GNAQ: variants seen among roughly 807,000 people sequenced by gnomAD.
GNAQ encodes the protein guanine nucleotide-binding protein G(q) subunit alpha.
Under a neutral mutation model 43.9 loss-of-function variants are expected in GNAQ, and 8 were observed. The ratio of observed to expected loss-of-function variants is 0.18; its 90% CI spans 0.11 to 0.33. The LOEUF is 0.33. Among genes scored for constraint, GNAQ ranks in the 10% least tolerant of loss-of-function variants. The pLI, the probability that GNAQ is intolerant of heterozygous loss-of-function variation, is 1.00. For missense variants in GNAQ, 158 were observed against 450.8 expected, an observed-to-expected ratio of 0.35 and a Z score of 5.88; for synonymous variants, 155 against 170.7, an observed-to-expected ratio of 0.91 and a Z score of 0.71.
chr9:77,911,157 A>T (rs538378948), intron 2 of GNAQ, among the ~76,000 whole-genome samples: 2 of 152,324 alleles, frequency 1.3e-5, no homozygotes, highest in East Asian at 3.9e-4. Flanking sequence ...GCATGAGCTG[A>T]AGACAAGCTG....
chr9:77,962,749 G>A (rs111359906), intron 1 of GNAQ, among the ~76,000 whole-genome samples: 12,062 of 151,854 alleles, frequency 0.079, 524 homozygotes, highest in South Asian at 0.11. Context: ...AAAGTTAGCC[G>A]GGTATGGTGG....
intron 2 of GNAQ, among the ~76,000 whole-genome samples, chr9:77,870,324 G>GT (rs781464413): frequency 0.024 from 2,665 of 111,090 alleles, 60 homozygotes; most frequent in African/African-American, 0.046. Context: ...TTTGGTGCTA[G>GT]TTTTTTTTTT....
Position 77,853,592 on chromosome 9 carries a change from G to C in GNAQ, c.322-37822C>G, listed in dbSNP as rs542051351. Among the ~76,000 whole-genome samples the C allele has an allele frequency of 2.0e-5, 3 of 152,150 alleles. No homozygotes were observed. The South Asian group carries it at 6.2e-4, about 32-fold the overall frequency. Reference sequence around the variant, plus strand: ...ACAAATATATCAGTAGAGGCTCAGTGATTGTAGATTTTGTGTCAAACTCTG... The same window carrying C: ...ACAAATATATCAGTAGAGGCTCAGTCATTGTAGATTTTGTGTCAAACTCTG... On this transcript the variant is annotated intron_variant, in intron 2 of 6. Coordinates refer to ENST00000286548, the MANE Select transcript of GNAQ (RefSeq NM_002072.5).
At chr9:77,933,922 G>T (rs998720440) in intron 1 of GNAQ, among the ~76,000 whole-genome samples, 2 of 152,080 alleles carry the variant, frequency 1.3e-5, no homozygotes. Context: ...ATTATGGGAC[G>T]CTCTTTTGAA....
chr9:77,937,241 A>G (rs1829244479), intron 1 of GNAQ, among the ~76,000 whole-genome samples: 1 of 151,900 alleles, frequency 6.6e-6, no homozygotes, highest in South Asian at 2.1e-4. Context: ...CGAGTTCGAC[A>G]CCAGCCTGGC....
chr9:77,984,351 T>C (rs1823407707), intron 1 of GNAQ, among the ~76,000 whole-genome samples: 1 of 151,936 alleles, frequency 6.6e-6, no homozygotes, highest in Non-Finnish European at 1.5e-5. Context: ...GTATTCTTTG[T>C]AGAGATGGGG....
intron 2 of GNAQ, among the ~76,000 whole-genome samples, chr9:77,848,988 T>A (rs114103502): frequency 0.01 from 1,583 of 152,120 alleles, 30 homozygotes; most frequent in African/African-American, 0.035. Context: ...TGTCTCAGAG[T>A]GTAGCAAGAA....
intron 5 of GNAQ, among the ~76,000 whole-genome samples, chr9:77,731,769 G>A (rs568791654): frequency 6.6e-6 from 1 of 152,310 alleles, no homozygotes; most frequent in East Asian, 1.9e-4. Flanking sequence ...TGAGCTGGAA[G>A]GTACAGAAAG....
chr9:77,804,605 G>T (rs1306321405), intron 3 of GNAQ, among the ~76,000 whole-genome samples: 1 of 152,186 alleles, frequency 6.6e-6, no homozygotes, highest in Non-Finnish European at 1.5e-5. Flanking sequence ...AGTAGGAACA[G>T]AAATCTCTGA....
intron 5 of GNAQ, among the ~76,000 whole-genome samples, chr9:77,775,628 C>T (rs899845905): frequency 9.2e-5 from 14 of 151,800 alleles, no homozygotes; most frequent in Non-Finnish European, 1.2e-4. Flanking sequence ...GTCTCGATCT[C>T]TTGACGTGAT....
intron 5 of GNAQ, among the ~76,000 whole-genome samples, chr9:77,779,472 C>T (rs1027193633): frequency 2.0e-5 from 3 of 151,292 alleles, no homozygotes; most frequent in African/African-American, 4.8e-5. Context: ...GATCTAAAAT[C>T]GATATCTAAA....
chr9:77,804,968 A>G (rs1252541783), intron 3 of GNAQ, among the ~76,000 whole-genome samples: 1 of 152,198 alleles, frequency 6.6e-6, no homozygotes, highest in African/African-American at 2.4e-5. Flanking sequence ...GGTGTCTGAC[A>G]CTATCAAAAG....
At chr9:77,765,336 G>A (rs1000080382) in intron 5 of GNAQ, among the ~76,000 whole-genome samples, 3 of 152,122 alleles carry the variant, frequency 2.0e-5, no homozygotes, top group African/African-American at 7.2e-5. Flanking sequence ...CCTATGGAAT[G>A]AAATAAAATA....
chr9:77,793,678 A>G (rs1826611965), intron 5 of GNAQ, among the ~76,000 whole-genome samples: 1 of 152,080 alleles, frequency 6.6e-6, no homozygotes, highest in African/African-American at 2.4e-5. Flanking sequence ...CAGGATATCA[A>G]TGGTGTCTTC....
intron 1 of GNAQ, among the ~76,000 whole-genome samples, chr9:77,983,877 C>T (rs970987280): frequency 6.6e-6 from 1 of 151,646 alleles, no homozygotes; most frequent in Admixed American, 6.6e-5. Flanking sequence ...AGGAAGTCCA[C>T]TCCAAGAGAC....
intron 1 of GNAQ, among the ~76,000 whole-genome samples, chr9:77,926,578 T>C (rs1046946884): frequency 1.3e-5 from 2 of 152,186 alleles, no homozygotes; most frequent in Non-Finnish European, 2.9e-5. Context: ...GACAAGCCCT[T>C]ACATAAAATA....
chr9:77,737,155 ACT>A (rs879872681), intron 5 of GNAQ, among the ~76,000 whole-genome samples: 1 of 151,938 alleles, frequency 6.6e-6, no homozygotes, highest in African/African-American at 2.4e-5. Context: ...TCCTTCCAGT[ACT>A]CTCTCTACAC....
At chr9:77,974,481 G>A (rs1450563836) in intron 1 of GNAQ, among the ~76,000 whole-genome samples, 1 of 152,180 alleles carries the variant, frequency 6.6e-6, no homozygotes, top group Admixed American at 6.5e-5. Flanking sequence ...AGATACTGTT[G>A]TAAGGACTTT....
At chr9:77,802,487 T>TA (rs934987161) in intron 3 of GNAQ, among the ~76,000 whole-genome samples, 22 of 149,498 alleles carry the variant, frequency 1.5e-4, no homozygotes, top group African/African-American at 2.7e-4. Context: ...TTTTCTATTC[T>TA]AAAAAAAAAA....
Sources: allele counts gnomAD v4.1 joint callset (sites outside exome capture counted in the v4.1 genomes callset), GRCh38; gene constraint gnomAD v4.1.1; transcripts MANE v1.5; gene names NCBI Gene and HGNC (gene_info 2026-07-23, HGNC 2026-07-21).